Variants in MYO15B observed in about 807,000 individuals in gnomAD.
MYO15B encodes the protein myosin XVB pseudogene.
MYO15B carries 207 observed loss-of-function variants against 119.3 expected under a neutral mutation model. The ratio of observed to expected loss-of-function variants is 1.73; its 90% CI spans 1.55 to 1.95. MYO15B has a LOEUF of 1.95. MYO15B is among the 30% of genes most tolerant of loss of function. The pLI, the probability that MYO15B is intolerant of heterozygous loss-of-function variation, is 0.00. For synonymous variants in MYO15B, 966 were observed against 498.9 expected (o/e 1.94, Z -12.48); for missense variants, 2,264 against 1,203.1 (o/e 1.88, Z -13.04).
In MYO15B at chr17:75,611,876, T is replaced by G. The variant is rs554512701; in HGVS notation, c.4505-10T>G. 1.4e-6 allele frequency: 1 copy of G among 702,942 alleles called. No individual in the cohort carries two copies. The highest frequency in any genetic ancestry group is 2.6e-6 in the Non-Finnish European group (1 of 384,982). 43.5% of individuals were successfully genotyped at this position (702,942 alleles called of 1,614,324 possible). On this transcript the variant is annotated splice_polypyrimidine_tract_variant and intron_variant, in intron 24 of 63. Transcript: ENST00000645453. ...ATGCTCCTGGGCTGCCTCCCGGTGC[T>G]TGTTCCCAGGCCATCGGGACGCCCT...
rs376125493 is a variant in MYO15B at position 75,616,623 on chromosome 17, CGGCCAAGGGCCAT to C, written c.6357_6369del (p.His2119GlnfsTer53). The stretch of plus-strand genomic sequence containing the variant: ...GAGGCTGAGCCAGCCAAGGAGACAG[CGGCCAAGGGCCAT>C]GGCCAAGGGCCAGCCCAAGGCAGGG... On this transcript the variant is annotated frameshift_variant, in exon 39 of 64. Coordinates refer to ENST00000645453, the Ensembl canonical transcript of MYO15B. LOFTEE classifies it high-confidence loss of function. 133 of 703,044 alleles carry C rather than the reference CGGCCAAGGGCCAT, an allele frequency of 1.9e-4. No individual in the cohort carries two copies. Among genetic ancestry groups the C allele is most frequent in the Admixed American group, 1.1e-3 (57 of 50,026 alleles). The allele number at this position is 703,044 out of a possible 1,614,324, so 43.6% of individuals were successfully genotyped here. A position where few individuals can be genotyped will look rare whatever the true frequency, so the allele number is the denominator to read the frequency against.
chr17:75,604,804 G>A (rs935072265), intron 19 of MYO15B, among the ~76,000 whole-genome samples: 5 of 151,984 alleles, frequency 3.3e-5, no homozygotes, highest in African/African-American at 1.2e-4. Flanking sequence ...TAATGATCTA[G>A]AAATGAAATA....
chr17:75,605,579 G>A (rs1568158476), exon 20 of MYO15B: 1 of 702,896 alleles, frequency 1.4e-6, no homozygotes, highest in Non-Finnish European at 2.6e-6. Context: ...TGAGCCAGGT[G>A]CTGGGGGCCG....
rs1391934494 is a variant in MYO15B, at chr17:75,588,736, A to AC, written c.680dup (p.Pro229AlafsTer203). On this transcript the variant is annotated frameshift_variant, in exon 1 of 64. Coordinates refer to ENST00000645453, the Ensembl canonical transcript of MYO15B. LOFTEE classifies it high-confidence loss of function. Reference sequence around the variant, plus strand: ...CCGGGGCCGGGAAGGGTCGTCGGGGACGGGGCCCCTGGGAGCCAGCGAGCA... The same window carrying AC: ...CCGGGGCCGGGAAGGGTCGTCGGGGACCGGGGCCCCTGGGAGCCAGCGAGCA... 1.3e-5 allele frequency: 5 copies of AC among 396,868 alleles called. No individual in the cohort carries two copies. The highest frequency in any genetic ancestry group is 2.2e-5 in the Non-Finnish European group (5 of 225,382). 24.6% of individuals were successfully genotyped at this position (396,868 alleles called of 1,614,324 possible). A position where few individuals can be genotyped will look rare whatever the true frequency, so the allele number is the denominator to read the frequency against.
intron 21 of MYO15B, chr17:75,607,158 C>A: frequency 2.6e-6 from 1 of 390,300 alleles, no homozygotes. Flanking sequence ...CAGGCATCTC[C>A]ACTATCTATT....
At chr17:75,625,849 A>G (rs1598958853) in exon 62 of MYO15B, 1 of 702,912 alleles carries the variant, frequency 1.4e-6, no homozygotes, top group Non-Finnish European at 2.6e-6. Context: ...CGCAGAGGCC[A>G]TGAGCCAGCT....
chr17:75,597,635 C>A (rs2056954237), intron 14 of MYO15B, among the ~76,000 whole-genome samples: 1 of 152,236 alleles, frequency 6.6e-6, no homozygotes, highest in Admixed American at 6.5e-5. Flanking sequence ...TTTAAAAAAA[C>A]AGGCCTTGGC....
At chr17:75,625,654 T>C (rs1187754610) in exon 61 of MYO15B, 4 of 702,804 alleles carry the variant, frequency 5.7e-6, no homozygotes, top group Admixed American at 4.0e-5. Flanking sequence ...ACAGATCAGC[T>C]TCATTGGTGG....
chr17:75,615,493 G>GC lies in MYO15B; in HGVS notation c.5741-7dup. On this transcript the variant is annotated splice_polypyrimidine_tract_variant and intron_variant, in intron 34 of 63. Coordinates refer to ENST00000645453, the Ensembl canonical transcript of MYO15B. The stretch of plus-strand genomic sequence containing the variant: ...GTGCCCACCACTCTGGCCGCCTGCC[G>GC]CCCTCACAGCCATGGTGGTGCCGCC... 2.9e-6 allele frequency: 2 copies of GC among 686,808 alleles called. No individual in the cohort carries two copies. Among genetic ancestry groups the GC allele is most frequent in the Non-Finnish European group, 2.7e-6 (1 of 376,544 alleles). The allele number at this position is 686,808 out of a possible 1,614,324, so 42.5% of individuals were successfully genotyped here. A position where few individuals can be genotyped will look rare whatever the true frequency, so the allele number is the denominator to read the frequency against.
intron 34 of MYO15B, 32 bp from the exon 35 acceptor site, chr17:75,615,471 C>A: frequency 1.5e-6 from 1 of 677,084 alleles, no homozygotes; most frequent in South Asian, 1.6e-5. Context: ...GGCCATGGTG[C>A]CCACCACTCT....
chr17:75,613,148 C>T (rs1353986814), exon 27 of MYO15B: 1 of 702,582 alleles, frequency 1.4e-6, no homozygotes, highest in Admixed American at 2.0e-5. Context: ...TGGCTGGGCC[C>T]TCATGGCTGT....
intron 59 of MYO15B, 63 bp from the exon 60 acceptor site, chr17:75,625,060 G>C (rs377157563): frequency 6.0e-6 from 4 of 661,368 alleles, no homozygotes; most frequent in African/African-American, 1.8e-5. Context: ...TGAGCCTCTA[G>C]AGCCACCAAC....
At chr17:75,620,539 C>T (rs1309109905) in exon 49 of MYO15B, 3 of 702,838 alleles carry the variant, frequency 4.3e-6, no homozygotes, top group Non-Finnish European at 7.8e-6. Context: ...GCTGCCGCTC[C>T]CGACTTTTCC....
intron 21 of MYO15B, 62 bp downstream of exon 21, chr17:75,606,083 G>C (rs1389493977): frequency 1.6e-6 from 1 of 622,718 alleles, no homozygotes; most frequent in African/African-American, 1.8e-5. Flanking sequence ...TCGTCCTCCA[G>C]GTGGTGGGGC....
At chr17:75,602,037 A>G (rs754676776) in intron 15 of MYO15B, among the ~76,000 whole-genome samples, 14 of 151,858 alleles carry the variant, frequency 9.2e-5, no homozygotes, top group Non-Finnish European at 2.1e-4. Flanking sequence ...CTACCCCAGG[A>G]GGAGAGGAAC....
chr17:75,613,084 T>C, exon 27 of MYO15B: 1 of 702,652 alleles, frequency 1.4e-6, no homozygotes, highest in Non-Finnish European at 2.6e-6. Context: ...ATGAGCTCTT[T>C]AGCCAGCTGG....
rs1013681803 is a variant in MYO15B at position 75,621,778 on chromosome 17, C to T, written c.8005+208C>T. ...TTGTGTGGAGTCTGGGGTTGGAAGG[C>T]AGTCCATGGGTCCAGAGGATGCTAT... On this transcript the variant is annotated intron_variant, in intron 52 of 63. Coordinates refer to ENST00000645453, the Ensembl canonical transcript of MYO15B. 6 of 600,792 alleles carry T rather than the reference C, an allele frequency of 1.0e-5. No individual in the cohort carries two copies. In the African/African-American group the frequency reaches 1.1e-4, roughly 11 times the overall value. The allele number at this position is 600,792 out of a possible 1,614,324, so 37.2% of individuals were successfully genotyped here.
intron 60 of MYO15B, 40 bp downstream of exon 60, chr17:75,625,278 C>T (rs556443874): frequency 1.5e-6 from 1 of 672,234 alleles, no homozygotes; most frequent in South Asian, 1.6e-5. Context: ...CCCTCCCCTT[C>T]TCTAAGGTCA....
Position 75,610,168 on chromosome 17 carries a change from AG to A in MYO15B, c.4296del (p.Lys1432AsnfsTer13). The A allele has an allele frequency of 1.4e-6, 1 of 699,292 alleles. No homozygotes were observed. The highest frequency in any genetic ancestry group is 2.6e-6 in the Non-Finnish European group (1 of 382,710). 43.3% of individuals were successfully genotyped at this position (699,292 alleles called of 1,614,324 possible). ...CCCCGCTCTTTCCCGGCCTCCAGGA[AG>A]CGGTACCTCCGGCGGCGGGCAGCTT... On this transcript the variant is annotated frameshift_variant, in exon 22 of 64. Transcript: ENST00000645453. LOFTEE classifies it high-confidence loss of function.
Sources: gnomAD v4.1 joint callset for allele counts (sites outside exome capture counted in the v4.1 genomes callset) on GRCh38, gnomAD v4.1.1 for gene constraint, MANE v1.5 for transcripts, NCBI Gene and HGNC (gene_info 2026-07-23, HGNC 2026-07-21) for gene names.